The following REEP1 variants were observed in gnomAD, a reference collection of about 807,000 sequenced individuals.
The protein encoded by REEP1 is receptor accessory protein 1.
A neutral mutation model predicts 40.3 loss-of-function variants in REEP1; 22 were observed. The observed-to-expected ratio is 0.55, with a 90% CI of 0.39 to 0.78. The LOEUF (loss-of-function observed/expected upper bound fraction) is 0.78, where lower values mean the gene tolerates loss of function less well. Among genes scored for constraint, REEP1 ranks in the 30% least tolerant of loss-of-function variants. REEP1 has a pLI of 0.00. For missense variants in REEP1, 280 were observed against 361.1 expected, an observed-to-expected ratio of 0.78 and a Z score of 1.82; for synonymous variants, 116 against 139.2, an observed-to-expected ratio of 0.83 and a Z score of 1.17.
chr2:86,296,718 G>A (rs542846638), intron 1 of REEP1, among the ~76,000 whole-genome samples: 5 of 152,182 alleles, frequency 3.3e-5, no homozygotes, highest in African/African-American at 1.2e-4. Flanking sequence ...TTAGCCAGGA[G>A]TGATGGCAGG....
At chr2:86,284,210 CG>C (rs1678258320) in intron 1 of REEP1, among the ~76,000 whole-genome samples, 1 of 152,082 alleles carries the variant, frequency 6.6e-6, no homozygotes, top group Non-Finnish European at 1.5e-5. Flanking sequence ...CTCACTTCCT[CG>C]GGGAGGCCTT....
intron 1 of REEP1, among the ~76,000 whole-genome samples, chr2:86,297,147 T>G (rs1359458933): frequency 1.3e-5 from 2 of 152,202 alleles, no homozygotes; most frequent in African/African-American, 4.8e-5. Context: ...ATCCAGAGGC[T>G]TCCCCTGCCC....
At chr2:86,305,830 G>A (rs1407123432) in intron 1 of REEP1, among the ~76,000 whole-genome samples, 6 of 152,034 alleles carry the variant, frequency 3.9e-5, no homozygotes, top group Admixed American at 6.5e-5. Flanking sequence ...TTGCATGCCC[G>A]GAGGACTCGA....
intron 1 of REEP1, among the ~76,000 whole-genome samples, chr2:86,301,070 T>C (rs1679238760): frequency 1.3e-5 from 2 of 152,224 alleles, no homozygotes; most frequent in Admixed American, 6.5e-5. Flanking sequence ...CAAACGTGTA[T>C]GTTTGCGTAA....
chr2:86,245,534 C>T (rs975684899), intron 5 of REEP1, among the ~76,000 whole-genome samples: 2 of 152,168 alleles, frequency 1.3e-5, no homozygotes, highest in African/African-American at 4.8e-5. Context: ...TGACGCACTG[C>T]CTCCTTTTCA....
intron 5 of REEP1, among the ~76,000 whole-genome samples, chr2:86,242,833 G>A (rs1433474472): frequency 3.9e-5 from 6 of 152,148 alleles, no homozygotes; most frequent in Admixed American, 2.0e-4. Context: ...TGTGGAGGAA[G>A]GCCCAAATGC....
chr2:86,283,889 C>T (rs1046929980), intron 1 of REEP1, among the ~76,000 whole-genome samples: 2 of 152,252 alleles, frequency 1.3e-5, no homozygotes, highest in East Asian at 3.9e-4. Context: ...AGCCTGGCTT[C>T]TTGCGATCAC....
At chr2:86,252,191 A>T (rs1456722500) in intron 4 of REEP1, 121 bp from the exon 5 acceptor site, 1 of 767,356 alleles carries the variant, frequency 1.3e-6, no homozygotes, top group Non-Finnish European at 2.3e-6. Context: ...GCTGGGCCTG[A>T]AAAGCTGTAG....
chr2:86,293,334 C>G (rs2104434185), intron 1 of REEP1, among the ~76,000 whole-genome samples: 1 of 152,222 alleles, frequency 6.6e-6, no homozygotes, highest in African/African-American at 2.4e-5. Flanking sequence ...AGGTGGCAGG[C>G]AAAGCTGCGT....
chr2:86,319,853 T>C (rs1389319848), intron 1 of REEP1, among the ~76,000 whole-genome samples: 3 of 152,150 alleles, frequency 2.0e-5, no homozygotes, highest in Admixed American at 6.5e-5. Context: ...GAGAACAGCA[T>C]GTGACAATGG....
chr2:86,237,852 A>C (rs1455888268), intron 5 of REEP1, among the ~76,000 whole-genome samples: 1 of 152,108 alleles, frequency 6.6e-6, no homozygotes, highest in African/African-American at 2.4e-5. Context: ...AAAAGTGACA[A>C]AAAAAAGATG....
chr2:86,254,623 TC>T (rs1676449256), intron 4 of REEP1, 70 bp downstream of exon 4: 1 of 1,517,100 alleles, frequency 6.6e-7, no homozygotes, highest in Non-Finnish European at 9.1e-7. Flanking sequence ...TGCAATAAGA[TC>T]ATCCCTTTTT....
intron 5 of REEP1, among the ~76,000 whole-genome samples, chr2:86,239,697 A>T (rs1421023291): frequency 6.6e-6 from 1 of 152,232 alleles, no homozygotes; most frequent in African/African-American, 2.4e-5. Flanking sequence ...CCAAACAGAG[A>T]AGGAGAATTT....
intron 1 of REEP1, among the ~76,000 whole-genome samples, chr2:86,300,703 T>C (rs1182744640): frequency 6.6e-6 from 1 of 151,898 alleles, no homozygotes; most frequent in Non-Finnish European, 1.5e-5. Context: ...CAATAAAGAG[T>C]TGTTGTTTTG....
chr2:86,217,701 T>C (rs895645494), intron 8 of REEP1, among the ~76,000 whole-genome samples: 8 of 149,890 alleles, frequency 5.3e-5, no homozygotes, highest in Non-Finnish European at 1.0e-4. Context: ...TTGGGATGTT[T>C]GCATATACAT....
At chr2:86,307,936 A>C (rs1573024164) in intron 1 of REEP1, among the ~76,000 whole-genome samples, 1 of 152,208 alleles carries the variant, frequency 6.6e-6, no homozygotes, top group African/African-American at 2.4e-5. Flanking sequence ...AGGATGATGG[A>C]AAGAGTGATA....
chr2:86,327,469 G>C (rs983752981), intron 1 of REEP1, among the ~76,000 whole-genome samples: 1 of 152,122 alleles, frequency 6.6e-6, no homozygotes, highest in East Asian at 1.9e-4. Context: ...GCAGGAGCCA[G>C]ACCTTGGTGA....
intron 1 of REEP1, among the ~76,000 whole-genome samples, chr2:86,310,707 T>TTC (rs144739472): frequency 0.38 from 56,333 of 149,600 alleles, 10,639 homozygotes; most frequent in Middle Eastern, 0.45. Context: ...CTCCTCCCCT[T>TTC]TCTCTCTCTC....
At chr2:86,261,847 C>A (rs768933879) in intron 3 of REEP1, among the ~76,000 whole-genome samples, 1 of 152,224 alleles carries the variant, frequency 6.6e-6, no homozygotes, top group Admixed American at 6.5e-5. Flanking sequence ...CCCGATTGTA[C>A]GTTCCATCTA....
Sources: allele counts gnomAD v4.1 joint callset (sites outside exome capture counted in the v4.1 genomes callset), GRCh38; gene constraint gnomAD v4.1.1; transcripts MANE v1.5; gene names NCBI Gene and HGNC (gene_info 2026-07-23, HGNC 2026-07-21).